NUMB: variants seen among roughly 807,000 people sequenced by gnomAD.
The protein encoded by NUMB is protein numb homolog.
NUMB carries 29 observed loss-of-function variants against 59.7 expected under a neutral mutation model. That is an observed-to-expected ratio of 0.49 (90% CI 0.36 to 0.66). NUMB has a LOEUF of 0.66. Among genes scored for constraint, NUMB ranks in the 30% least tolerant of loss-of-function variants. The pLI is 0.00. For missense variants in NUMB, 723 were observed against 822.0 expected, an observed-to-expected ratio of 0.88 and a Z score of 1.47; for synonymous variants, 288 against 288.2, an observed-to-expected ratio of 1.00 and a Z score of 0.01.
intron 1 of NUMB, among the ~76,000 whole-genome samples, chr14:73,423,318 G>T (rs1259612816): frequency 6.8e-6 from 1 of 147,164 alleles, no homozygotes; most frequent in Non-Finnish European, 1.5e-5. Flanking sequence ...TGGCCAACAT[G>T]ATGAAACCCT....
intron 5 of NUMB, among the ~76,000 whole-genome samples, chr14:73,322,157 G>A (rs1891438079): frequency 6.6e-6 from 1 of 152,182 alleles, no homozygotes; most frequent in Admixed American, 6.5e-5. Context: ...TGGGACCAGA[G>A]CATGCAGAAG....
chr14:73,329,082 G>C (rs903301903), intron 4 of NUMB, among the ~76,000 whole-genome samples: 5 of 152,128 alleles, frequency 3.3e-5, no homozygotes, highest in Non-Finnish European at 7.3e-5. Context: ...TGGTCAGGCT[G>C]ATCTGGAACT....
At chr14:73,369,298 C>T (rs142791083) in intron 2 of NUMB, among the ~76,000 whole-genome samples, 1,649 of 152,276 alleles carry the variant, frequency 0.011, 20 homozygotes, top group Middle Eastern at 0.048. Context: ...GCCTCAGCCT[C>T]CCAAAGTGTT....
At chr14:73,410,799 T>C (rs1333982482) in intron 1 of NUMB, among the ~76,000 whole-genome samples, 1 of 152,168 alleles carries the variant, frequency 6.6e-6, no homozygotes, top group Non-Finnish European at 1.5e-5. Context: ...TTCCTTATAC[T>C]TCTAACAGCC....
chr14:73,408,758 T>A (rs57369265), intron 2 of NUMB, among the ~76,000 whole-genome samples: 7,812 of 151,122 alleles, frequency 0.052, 652 homozygotes, highest in African/African-American at 0.18. Context: ...AAGCCTGGAA[T>A]CCCAGCTACT....
chr14:73,377,994 T>TACAC (rs61489875), intron 2 of NUMB, among the ~76,000 whole-genome samples: 20,027 of 146,348 alleles, frequency 0.14, 1,803 homozygotes, highest in Non-Finnish European at 0.21. Context: ...TATATACACA[T>TACAC]ACACACACAC....
At position 73,353,072 on chromosome 14, in the gene NUMB, G is replaced by GTTTTTTTTTTTTTTTTTTTTTTTTTTTT. The variant is rs71112737; in HGVS notation, c.126+2526_126+2553dup. On this transcript the variant is annotated intron_variant, in intron 4 of 12. Coordinates refer to ENST00000555238, the MANE Select transcript of NUMB (RefSeq NM_001005743.2). ...CTTAATGGATGCCACAGTTTTTCTTGTTTTTTTTTTTTTTTTTTTTTTTTT... is the reference window on the plus strand; with the variant it reads ...CTTAATGGATGCCACAGTTTTTCTTGTTTTTTTTTTTTTTTTTTTTTTTTTTTTTTTTTTTTTTTTTTTTTTTTTTTTT... Among the ~76,000 whole-genome samples, 17 of 58,522 alleles carry GTTTTTTTTTTTTTTTTTTTTTTTTTTTT rather than the reference G, an allele frequency of 2.9e-4. 4 individuals are homozygous for GTTTTTTTTTTTTTTTTTTTTTTTTTTTT. The highest frequency in any genetic ancestry group is 4.6e-4 in the African/African-American group (8 of 17,568). The allele number at this position is 58,522 out of a possible 152,430, so 38.4% of individuals were successfully genotyped here. A position where few individuals can be genotyped will look rare whatever the true frequency, so the allele number is the denominator to read the frequency against.
intron 4 of NUMB, among the ~76,000 whole-genome samples, chr14:73,353,081 T>C (rs1347505298): frequency 0.028 from 2,834 of 100,274 alleles, 426 homozygotes; most frequent in South Asian, 0.19. Flanking sequence ...TGTTTTTTTT[T>C]TTTTTTTTTT....
intron 3 of NUMB, among the ~76,000 whole-genome samples, chr14:73,356,205 T>C (rs943636702): frequency 6.6e-6 from 1 of 152,208 alleles, no homozygotes; most frequent in African/African-American, 2.4e-5. Flanking sequence ...CTAAAAACTT[T>C]TATAGTTATT....
At chr14:73,403,440 A>G (rs1896509485) in intron 2 of NUMB, among the ~76,000 whole-genome samples, 1 of 152,224 alleles carries the variant, frequency 6.6e-6, no homozygotes, top group South Asian at 2.1e-4. Context: ...TACTAGTCCT[A>G]AATTAGTCTG....
intron 4 of NUMB, among the ~76,000 whole-genome samples, chr14:73,337,146 A>G (rs1350796634): frequency 1.3e-5 from 2 of 152,064 alleles, no homozygotes; most frequent in African/African-American, 2.4e-5. Context: ...TAAAAAAAAA[A>G]AATCATAATC....
At chr14:73,399,820 G>T (rs148696069) in intron 2 of NUMB, among the ~76,000 whole-genome samples, 1 of 152,162 alleles carries the variant, frequency 6.6e-6, no homozygotes, top group Non-Finnish European at 1.5e-5. Context: ...AAGGCCAGTG[G>T]ATCACTTGAG....
In NUMB at chr14:73,374,763, G is replaced by A. The variant is rs193295969; in HGVS notation, c.-100-7782C>T. ...TTTGAGACAGAGTCTCTCTCTTGTCGCCCAGGCTGGAGTCCAACATGATCT... is the reference window on the plus strand; with the variant it reads ...TTTGAGACAGAGTCTCTCTCTTGTCACCCAGGCTGGAGTCCAACATGATCT... On this transcript the variant is annotated intron_variant, in intron 2 of 12. Coordinates refer to ENST00000555238, the MANE Select transcript of NUMB (RefSeq NM_001005743.2). Among the ~76,000 whole-genome samples the A allele has an allele frequency of 4.0e-5, 5 of 124,618 alleles. No homozygotes were observed. The East Asian group carries it at 7.3e-4, about 18-fold the overall frequency. 81.8% of individuals were successfully genotyped at this position (124,618 alleles called of 152,430 possible).
intron 1 of NUMB, among the ~76,000 whole-genome samples, chr14:73,433,759 A>T (rs1170839259): frequency 1.3e-5 from 2 of 152,146 alleles, no homozygotes; most frequent in African/African-American, 4.8e-5. Context: ...ATAGGTAGTA[A>T]AGAGAAAGAA....
intron 1 of NUMB, among the ~76,000 whole-genome samples, chr14:73,426,099 C>T (rs908039949): frequency 1.9e-4 from 29 of 152,136 alleles, no homozygotes; most frequent in African/African-American, 6.3e-4. Flanking sequence ...CATGAGCCAC[C>T]GTGCCCAGCC....
At chr14:73,314,219 A>G (rs1890951617) in intron 6 of NUMB, among the ~76,000 whole-genome samples, 2 of 152,210 alleles carry the variant, frequency 1.3e-5, no homozygotes, top group South Asian at 4.1e-4. Context: ...TAAAGTGATT[A>G]TACAGCACAA....
chr14:73,278,060 A>AAC (rs1555367165), intron 12 of NUMB, among the ~76,000 whole-genome samples: 6 of 150,826 alleles, frequency 4.0e-5, no homozygotes, highest in Admixed American at 2.0e-4. Context: ...AAAAAAAAAA[A>AAC]AAAAAAAACA....
At chr14:73,377,078 T>C (rs1894985061) in intron 2 of NUMB, among the ~76,000 whole-genome samples, 1 of 152,096 alleles carries the variant, frequency 6.6e-6, no homozygotes, top group South Asian at 2.1e-4. Context: ...TTCACTAAAA[T>C]TAACTCAAAA....
At chr14:73,402,471 T>C (rs1428815754) in intron 2 of NUMB, among the ~76,000 whole-genome samples, 3 of 152,194 alleles carry the variant, frequency 2.0e-5, no homozygotes, top group African/African-American at 7.2e-5. Context: ...TCAGAGAGAT[T>C]AATTGATTTG....
Sources: allele counts gnomAD v4.1 joint callset (sites outside exome capture counted in the v4.1 genomes callset), GRCh38; gene constraint gnomAD v4.1.1; transcripts MANE v1.5; gene names NCBI Gene and HGNC (gene_info 2026-07-23, HGNC 2026-07-21).